The following EPM2A variants were observed in gnomAD, a reference collection of about 807,000 sequenced individuals.
EPM2A encodes the protein EPM2A glucan phosphatase, laforin.
A neutral mutation model predicts 26.5 loss-of-function variants in EPM2A; 21 were observed. The ratio of observed to expected loss-of-function variants is 0.79; its 90% confidence interval spans 0.56 to 1.14. The LOEUF (loss-of-function observed/expected upper bound fraction) is 1.14. EPM2A is among the 50% of genes most tolerant of loss of function. The pLI, the probability that EPM2A is intolerant of heterozygous loss-of-function variation, is 0.00. For missense variants in EPM2A, 458 were observed against 440.8 expected (o/e 1.04, Z -0.35); for synonymous variants, 217 against 177.6 (o/e 1.22, Z -1.76).
chr6:145,599,359 ACTT>A (rs1781387439), intron 2 of EPM2A, among the ~76,000 whole-genome samples: 1 of 151,674 alleles, frequency 6.6e-6, no homozygotes, highest in Non-Finnish European at 1.5e-5. Flanking sequence ...TAGTTACTGT[ACTT>A]CTTTTATTAA....
chr6:145,732,705 AAG>A (rs1166470328), intron 1 of EPM2A, among the ~76,000 whole-genome samples: 8 of 152,212 alleles, frequency 5.3e-5, no homozygotes, highest in African/African-American at 1.9e-4. Flanking sequence ...TAGTGAAGAA[AAG>A]AGAATTTTTC....
At chr6:145,621,862 T>A (rs534279757), downstream of EPM2A, among the ~76,000 whole-genome samples, 33 of 152,342 alleles carry the variant, frequency 2.2e-4, no homozygotes, top group African/African-American at 7.7e-4. Flanking sequence ...AGACATATTA[T>A]GGTTTGCAAA....
chr6:145,451,827 G>A (rs1025232258), intron 4 of EPM2A, among the ~76,000 whole-genome samples: 2 of 152,128 alleles, frequency 1.3e-5, no homozygotes, highest in Admixed American at 1.3e-4. Flanking sequence ...ATGTATATCA[G>A]CACATATGAA....
intron 2 of EPM2A, among the ~76,000 whole-genome samples, chr6:145,522,357 A>T (rs990333392): frequency 1.3e-5 from 2 of 152,014 alleles, no homozygotes; most frequent in African/African-American, 2.4e-5. Context: ...CAAATATAAC[A>T]TGTCCTGGGG....
chr6:145,647,522 C>T (rs1432849109), intron 2 of EPM2A, among the ~76,000 whole-genome samples: 4 of 152,162 alleles, frequency 2.6e-5, no homozygotes, highest in African/African-American at 9.7e-5. Context: ...CAGGCTCTGG[C>T]CTCTCTTGCT....
downstream of EPM2A, among the ~76,000 whole-genome samples, chr6:145,497,404 C>T (rs890604533): frequency 3.3e-5 from 5 of 152,172 alleles, no homozygotes; most frequent in Non-Finnish European, 7.3e-5. Context: ...GGCAGCCTGC[C>T]CCTTTCTCTG....
At chr6:145,618,724 T>C (rs1775567510) in intron 2 of EPM2A, among the ~76,000 whole-genome samples, 1 of 152,262 alleles carries the variant, frequency 6.6e-6, no homozygotes, top group Non-Finnish European at 1.5e-5. Context: ...CTCTTTCCTT[T>C]ATAAATTACC....
chr6:145,580,007 T>A (rs1437981589), intron 2 of EPM2A, among the ~76,000 whole-genome samples: 1 of 152,192 alleles, frequency 6.6e-6, no homozygotes, highest in African/African-American at 2.4e-5. Context: ...GCTTTGTACA[T>A]TAACATAGAT....
At chr6:145,580,922 A>G (rs1313776163) in intron 2 of EPM2A, among the ~76,000 whole-genome samples, 1 of 152,156 alleles carries the variant, frequency 6.6e-6, no homozygotes, top group African/African-American at 2.4e-5. Flanking sequence ...ACTACCATTG[A>G]TGGTACTTAG....
At chr6:145,451,272 T>A (rs1472209356) in intron 4 of EPM2A, among the ~76,000 whole-genome samples, 1 of 152,212 alleles carries the variant, frequency 6.6e-6, no homozygotes, top group Non-Finnish European at 1.5e-5. Flanking sequence ...AGGTCTGTAT[T>A]ACTTGCTGCA....
chr6:145,470,349 A>T (rs951063657), intron 4 of EPM2A, among the ~76,000 whole-genome samples: 5 of 152,236 alleles, frequency 3.3e-5, no homozygotes, highest in Non-Finnish European at 7.4e-5. Context: ...TCTTTAAAAG[A>T]ATATCTATGT....
At chr6:145,441,378 G>A (rs989835742) in intron 4 of EPM2A, among the ~76,000 whole-genome samples, 1 of 152,160 alleles carries the variant, frequency 6.6e-6, no homozygotes, top group Admixed American at 6.5e-5. Flanking sequence ...TGATGGCAGG[G>A]ACTGCTGAGA....
intron 1 of EPM2A, chr6:145,722,614 A>G (rs1360182473): frequency 7.5e-6 from 2 of 265,128 alleles, no homozygotes; most frequent in Non-Finnish European, 1.5e-5. Context: ...TGAATGAAGT[A>G]TTAGAAAAGA....
chr6:145,664,733 C>G (rs990928010), intron 2 of EPM2A, among the ~76,000 whole-genome samples: 2 of 152,202 alleles, frequency 1.3e-5, no homozygotes, highest in Admixed American at 6.5e-5. Context: ...CCACACCATA[C>G]CTATTCCAAA....
chr6:145,505,417 G>A (rs1187958459), intron 2 of EPM2A, among the ~76,000 whole-genome samples: 1 of 151,542 alleles, frequency 6.6e-6, no homozygotes, highest in Non-Finnish European at 1.5e-5. Flanking sequence ...AAATATGTAT[G>A]TATATATACG....
chr6:145,607,463 C>T (rs74777886), intron 2 of EPM2A, among the ~76,000 whole-genome samples: 6 of 152,086 alleles, frequency 3.9e-5, no homozygotes, highest in Admixed American at 2.0e-4. Flanking sequence ...AAAGCTTTGA[C>T]GGCAGATGGG....
At chr6:145,405,963 T>A (rs1168953999) in intron 4 of EPM2A, among the ~76,000 whole-genome samples, 24 of 148,614 alleles carry the variant, frequency 1.6e-4, no homozygotes, top group Non-Finnish European at 4.4e-5. Context: ...AGAAGAACTA[T>A]TTAATCATGG....
At chr6:145,584,852 C>G (rs1401688578) in intron 2 of EPM2A, among the ~76,000 whole-genome samples, 1 of 152,206 alleles carries the variant, frequency 6.6e-6, no homozygotes, top group Non-Finnish European at 1.5e-5. Context: ...GTGTGCCAGT[C>G]TTCCCAATGT....
intron 2 of EPM2A, among the ~76,000 whole-genome samples, chr6:145,517,758 T>C (rs1031080007): frequency 1.3e-5 from 2 of 152,162 alleles, no homozygotes; most frequent in African/African-American, 2.4e-5. Context: ...CACTTAAAGA[T>C]GCACATTAAC....
Sources: allele counts gnomAD v4.1 joint callset (sites outside exome capture counted in the v4.1 genomes callset), GRCh38; gene constraint gnomAD v4.1.1; transcripts MANE v1.5; gene names NCBI Gene and HGNC (gene_info 2026-07-23, HGNC 2026-07-21).